Variants in PLEKHG1 observed in about 807,000 individuals in gnomAD.
PLEKHG1 encodes the protein pleckstrin homology and RhoGEF domain containing G1.
In PLEKHG1, 44 loss-of-function variants were observed where a neutral mutation model predicts 100.8. The ratio of observed to expected loss-of-function variants is 0.44; its 90% CI spans 0.34 to 0.56. The LOEUF (loss-of-function observed/expected upper bound fraction) is 0.56. Among genes scored for constraint, PLEKHG1 ranks in the 20% least tolerant of loss-of-function variants. The pLI, the probability that PLEKHG1 is intolerant of heterozygous loss-of-function variation, is 0.01. For synonymous variants in PLEKHG1, 640 were observed against 662.5 expected, an observed-to-expected ratio of 0.97 and a Z score of 0.52; for missense variants, 1,545 against 1,720.9, an observed-to-expected ratio of 0.90 and a Z score of 1.81.
chr6:150,635,688 T>C (rs552528357), intron 1 of PLEKHG1, among the ~76,000 whole-genome samples: 12 of 152,238 alleles, frequency 7.9e-5, no homozygotes, highest in East Asian at 1.9e-4. Context: ...ATTTTTAAGA[T>C]AATTGATTTA....
chr6:150,684,110 C>A (rs1220206922), intron 3 of PLEKHG1, among the ~76,000 whole-genome samples: 1 of 152,218 alleles, frequency 6.6e-6, no homozygotes, highest in Admixed American at 6.5e-5. Flanking sequence ...CTTCAAGAAG[C>A]CCTCAGGCTA....
In PLEKHG1 at chr6:150,809,377, C is replaced by A; in HGVS notation, c.1096-4C>A. 6.2e-7 allele frequency: 1 copy of A among 1,613,434 alleles called. No individual in the cohort carries two copies. Among genetic ancestry groups the A allele is most frequent in the South Asian group, 1.1e-5 (1 of 91,068 alleles). The stretch of plus-strand genomic sequence containing the variant: ...CCTCACCCTCTCTGCTCTCTCTGCT[C>A]TAGTGTGGCAACCTCATGCTTGTGG... On this transcript the variant is annotated splice_region_variant and splice_polypyrimidine_tract_variant and intron_variant, in intron 8 of 15. Transcript: ENST00000358517.
At chr6:150,701,550 AC>A (rs1780791674) in intron 3 of PLEKHG1, among the ~76,000 whole-genome samples, 1 of 142,214 alleles carries the variant, frequency 7.0e-6, no homozygotes, top group Non-Finnish European at 1.5e-5. Context: ...GGTGTGCTGC[AC>A]CCATTAACTC....
chr6:150,619,175 G>A (rs889919003), intron 1 of PLEKHG1, among the ~76,000 whole-genome samples: 8 of 151,286 alleles, frequency 5.3e-5, no homozygotes, highest in African/African-American at 1.7e-4. Flanking sequence ...AAAATTCAAC[G>A]AGAGATCCAT....
intron 1 of PLEKHG1, among the ~76,000 whole-genome samples, chr6:150,606,139 C>T (rs1179614958): frequency 6.6e-6 from 1 of 152,168 alleles, no homozygotes; most frequent in African/African-American, 2.4e-5. Context: ...GTGAAACCTT[C>T]ACTTTGATTG....
intron 4 of PLEKHG1, among the ~76,000 whole-genome samples, chr6:150,791,191 C>A (rs1246833720): frequency 6.6e-6 from 1 of 152,172 alleles, no homozygotes; most frequent in African/African-American, 2.4e-5. Context: ...CCTACTACAT[C>A]AGTAACCCAG....
chr6:150,700,021 A>G (rs1780702398), intron 3 of PLEKHG1, among the ~76,000 whole-genome samples: 1 of 152,206 alleles, frequency 6.6e-6, no homozygotes, highest in Admixed American at 6.5e-5. Context: ...CTCAGCAGAC[A>G]GTGGGTTCCT....
chr6:150,670,096 G>A (rs1213836452), intron 3 of PLEKHG1, among the ~76,000 whole-genome samples: 1 of 152,008 alleles, frequency 6.6e-6, no homozygotes, highest in Non-Finnish European at 1.5e-5. Context: ...TGAGATAATT[G>A]TTTATTTTTC....
At chr6:150,795,031 A>T (rs1309665911) in intron 4 of PLEKHG1, among the ~76,000 whole-genome samples, 5 of 151,740 alleles carry the variant, frequency 3.3e-5, no homozygotes, top group South Asian at 2.1e-4. Flanking sequence ...AAGTAAAAGT[A>T]AAAGTTAAAA....
At chr6:150,736,534 C>T (rs1468355833) in intron 2 of PLEKHG1, among the ~76,000 whole-genome samples, 7 of 152,160 alleles carry the variant, frequency 4.6e-5, no homozygotes, top group South Asian at 4.2e-4. Flanking sequence ...TTTGGGAGGC[C>T]GAGGCGGGCG....
intron 1 of PLEKHG1, among the ~76,000 whole-genome samples, chr6:150,604,285 A>G (rs1230716585): frequency 6.6e-6 from 1 of 152,202 alleles, no homozygotes; most frequent in Non-Finnish European, 1.5e-5. Flanking sequence ...AGTCACATTG[A>G]GCACCAATTT....
intron 4 of PLEKHG1, among the ~76,000 whole-genome samples, chr6:150,788,873 G>A (rs1019996564): frequency 2.6e-4 from 39 of 151,932 alleles, no homozygotes; most frequent in Admixed American, 7.9e-4. Context: ...ACACACACAC[G>A]CATACACACA....
intron 3 of PLEKHG1, among the ~76,000 whole-genome samples, chr6:150,662,174 TGTCA>T (rs1221594024): frequency 6.6e-6 from 1 of 152,198 alleles, no homozygotes; most frequent in Non-Finnish European, 1.5e-5. Context: ...TTTCTCCTCC[TGTCA>T]GTCAGCTCCT....
At chr6:150,763,024 C>CTTTCTTTTTTTTTTTTTTTTTTTTTTT (rs1784253477) in intron 2 of PLEKHG1, among the ~76,000 whole-genome samples, 1 of 76,530 alleles carries the variant, frequency 1.3e-5, no homozygotes, top group Non-Finnish European at 2.1e-5. Flanking sequence ...GATAAAGCTT[C>CTTTCTTTTTTTTTTTTTTTTTTTTTTT]TTTTTTTTTT....
chr6:150,788,149 T>A (rs1383707992), intron 4 of PLEKHG1, among the ~76,000 whole-genome samples: 1 of 152,230 alleles, frequency 6.6e-6, no homozygotes, highest in East Asian at 1.9e-4. Context: ...CGTTGCCAAC[T>A]CCCAAATCTT....
At chr6:150,781,202 C>T (rs932295643) in intron 3 of PLEKHG1, among the ~76,000 whole-genome samples, 4 of 149,726 alleles carry the variant, frequency 2.7e-5, no homozygotes, top group Non-Finnish European at 5.9e-5. Context: ...TTTATTTTCA[C>T]ATTGAAAATC....
At chr6:150,635,061 G>A (rs537313627) in intron 1 of PLEKHG1, among the ~76,000 whole-genome samples, 1 of 152,200 alleles carries the variant, frequency 6.6e-6, no homozygotes, top group East Asian at 1.9e-4. Context: ...CTATCACCAG[G>A]AACCAAAGGA....
chr6:150,816,969 T>A (rs1775997034), intron 10 of PLEKHG1, among the ~76,000 whole-genome samples: 1 of 152,102 alleles, frequency 6.6e-6, no homozygotes, highest in East Asian at 1.9e-4. Context: ...ACTGATCTGA[T>A]AGGAGGCAGA....
chr6:150,713,966 G>T (rs1035928948), intron 3 of PLEKHG1, among the ~76,000 whole-genome samples: 2 of 152,138 alleles, frequency 1.3e-5, no homozygotes, highest in African/African-American at 4.8e-5. Flanking sequence ...TGTTTTAATT[G>T]GTATTTTGGA....
Sources: gnomAD v4.1 joint callset for allele counts (sites outside exome capture counted in the v4.1 genomes callset) on GRCh38, gnomAD v4.1.1 for gene constraint, MANE v1.5 for transcripts, NCBI Gene and HGNC (gene_info 2026-07-23, HGNC 2026-07-21) for gene names.